MRPS15: variants seen among roughly 807,000 people sequenced by gnomAD.
MRPS15 encodes small ribosomal subunit protein uS15m.
In MRPS15, 25 loss-of-function variants were observed where a neutral mutation model predicts 30.7. The observed-to-expected ratio is 0.81, with a 90% CI of 0.59 to 1.14. The LOEUF is 1.14. MRPS15 is among the 50% of genes most tolerant of loss of function. MRPS15 has a pLI of 0.00. For missense variants in MRPS15, 313 were observed against 321.7 expected (o/e 0.97, Z 0.21); for synonymous variants, 124 against 120.1 (o/e 1.03, Z -0.21).
intron 6 of MRPS15, 54 bp downstream of exon 6, chr1:36,457,869 A>C: frequency 6.4e-7 from 1 of 1,560,078 alleles, no homozygotes; most frequent in Non-Finnish European, 8.8e-7. Context: ...TCCCCTCCGG[A>C]CCCCTTTCCC....
intron 6 of MRPS15, among the ~76,000 whole-genome samples, chr1:36,457,496 A>AG (rs1650014584): frequency 1.3e-5 from 2 of 152,262 alleles, no homozygotes; most frequent in Non-Finnish European, 2.9e-5. Context: ...TATATGCATC[A>AG]CATTGGCTGT....
intron 6 of MRPS15, 55 bp downstream of exon 6, chr1:36,457,868 G>T: frequency 6.4e-7 from 1 of 1,557,288 alleles, no homozygotes; most frequent in Non-Finnish European, 8.9e-7. Context: ...TTCCCCTCCG[G>T]ACCCCTTTCC....
In MRPS15 at chr1:36,460,636, A is replaced by G. The variant is rs887989547; in HGVS notation, c.385+56T>C. The G allele has an allele frequency of 7.7e-6, 10 of 1,294,898 alleles. No homozygotes were observed. In the Admixed American group the frequency reaches 1.7e-4, roughly 22 times the overall value. 80.2% of individuals were successfully genotyped at this position (1,294,898 alleles called of 1,614,324 possible). On this transcript the variant is annotated intron_variant, in intron 5 of 7. Coordinates refer to ENST00000373116, the MANE Select transcript of MRPS15 (RefSeq NM_031280.4). ...TGCTTGTAGACAAGAGCCCTAGATCAGGTCCCAGCTAGCAGGCTTCCCTAC... is the reference window on the plus strand; with the variant it reads ...TGCTTGTAGACAAGAGCCCTAGATCGGGTCCCAGCTAGCAGGCTTCCCTAC...
rs115195790 is a variant in MRPS15 at position 36,456,848 on chromosome 1, G to A, written c.445-470C>T. Among the ~76,000 whole-genome samples, 450 of 152,336 alleles carry A rather than the reference G, an allele frequency of 3.0e-3. 1 individual carries two copies. The highest frequency in any genetic ancestry group is 9.8e-3 in the African/African-American group (408 of 41,572). On this transcript the variant is annotated intron_variant, in intron 6 of 7. Transcript: ENST00000373116. ...CAAAACTGTGATCTTTAAGAAGCAG[G>A]CTCCAGGGAACACTGAGGTGCCAGG...
intron 2 of MRPS15, among the ~76,000 whole-genome samples, chr1:36,463,025 C>T (rs1443813984): frequency 6.6e-6 from 1 of 152,048 alleles, no homozygotes; most frequent in Non-Finnish European, 1.5e-5. Context: ...AGTGCAGTGG[C>T]ACGATCGGCT....
rs1179771770 is a variant in MRPS15, at chr1:36,455,870, G to C, written c.692C>G (p.Ala231Gly). 1.9e-6 allele frequency: 3 copies of C among 1,614,026 alleles called. No individual in the cohort carries two copies. The highest frequency in any genetic ancestry group is 2.5e-6 in the Non-Finnish European group (3 of 1,180,040). ...CCGCTTTGCTTGTTTTTGGGCTGCT[G>C]CTGCAGCCTTTAAGGCTCTTCTTCG... is the stretch of plus-strand genomic sequence containing the variant. ...KKRRRALKAA[A>G]AAQKQAKRRN... is the part of the protein sequence containing the mutation. Residue 231 changes from alanine to glycine, a missense_variant, in exon 8 of 8, where the codon GCA (alanine) becomes GGA (glycine). By Grantham distance (60) the Ala-to-Gly change is moderately conservative. Transcript: ENST00000373116.
chr1:36,463,816 G>A lies in MRPS15; in HGVS notation c.165C>T (p.Val55=), dbSNP rs373363017. 3.7e-6 allele frequency: 6 copies of A among 1,612,632 alleles called. No individual in the cohort carries two copies. In the African/African-American group the frequency reaches 8.0e-5, roughly 22 times the overall value. Residue 55 remains valine (V), a synonymous_variant, in exon 2 of 8, where the codon GTC becomes GTT. Coordinates refer to ENST00000373116, the MANE Select transcript of MRPS15 (RefSeq NM_031280.4). ...CTTAGGAACTCCTACCTGGTTTCCG[G>A]ACGACATATCCGCGCGCGGCCTGGA... ...LLLQAARGYV[V]RKPAQSRLDD... is the part of the protein sequence containing the mutation.
intron 5 of MRPS15, among the ~76,000 whole-genome samples, chr1:36,460,397 G>C (rs1336640638): frequency 6.6e-6 from 1 of 152,150 alleles, no homozygotes; most frequent in Non-Finnish European, 1.5e-5. Context: ...GCCATGAGGT[G>C]GGTAACATTA....
chr1:36,461,741 G>T (rs1402899880), intron 3 of MRPS15, among the ~76,000 whole-genome samples: 2 of 152,176 alleles, frequency 1.3e-5, no homozygotes, highest in East Asian at 1.9e-4. Flanking sequence ...AGAACTGTAT[G>T]ACACTGGACA....
At chr1:36,463,528 C>G (rs1161032969) in intron 2 of MRPS15, among the ~76,000 whole-genome samples, 1 of 152,220 alleles carries the variant, frequency 6.6e-6, no homozygotes, top group East Asian at 1.9e-4. Flanking sequence ...AAGTGCCATA[C>G]TCTAGGTAGG....
intron 6 of MRPS15, among the ~76,000 whole-genome samples, chr1:36,456,748 A>T (rs1650001605): frequency 6.6e-6 from 1 of 152,170 alleles, no homozygotes; most frequent in South Asian, 2.1e-4. Flanking sequence ...TCTTCCTGGA[A>T]ATGCCTACCC....
chr1:36,463,678 G>A, intron 2 of MRPS15, 128 bp downstream of exon 2: 1 of 1,056,428 alleles, frequency 9.5e-7, no homozygotes, highest in Non-Finnish European at 1.4e-6. Context: ...GTGGACGTGG[G>A]GTCTTTTGCT....
chr1:36,455,886 C>T lies in MRPS15; in HGVS notation c.676G>A (p.Ala226Thr), dbSNP rs1219530092. The part of the protein sequence containing the change: ...ETQKLKKRRR[A>T]LKAAAAAQKQ... ...TGGGCTGCTGCTGCAGCCTTTAAGG[C>T]TCTTCTTCGCTTCTTCAGCTTTTGA... Residue 226 changes from alanine (A) to threonine (T), a missense_variant, in exon 8 of 8, where the codon GCC becomes ACC. Ala to Thr is a moderately conservative substitution (Grantham distance 58). Transcript: ENST00000373116. 6.2e-7 allele frequency: 1 copy of T among 1,613,946 alleles called. No individual in the cohort carries two copies. Among genetic ancestry groups the T allele is most frequent in the Non-Finnish European group, 8.5e-7 (1 of 1,179,998 alleles).
chr1:36,462,250 CA>C, intron 2 of MRPS15, 87 bp from the exon 3 acceptor site: 1 of 961,460 alleles, frequency 1.0e-6, no homozygotes, highest in African/African-American at 1.6e-5. Flanking sequence ...ACCCACTCTC[CA>C]ACTCCAGAAG....
rs558697243 is a variant in MRPS15 at position 36,458,417 on chromosome 1, C to T, written c.386-436G>A. Reference sequence around the variant, plus strand: ...CTAATTTTTCTATTTTTAGTAGAGACGGGGTTTCACCATGTTGGCCAGGCT... The same window carrying T: ...CTAATTTTTCTATTTTTAGTAGAGATGGGGTTTCACCATGTTGGCCAGGCT... On this transcript the variant is annotated intron_variant, in intron 5 of 7. Transcript: ENST00000373116. The surrounding 1 kb of genome is among the most constrained non-coding windows in gnomAD (Gnocchi z 4.5). 5.2e-4 allele frequency: 82 copies of T among 158,360 alleles called. No individual in the cohort carries two copies. Among genetic ancestry groups the T allele is most frequent in the African/African-American group, 1.9e-3 (79 of 41,610 alleles). 9.8% of individuals were successfully genotyped at this position (158,360 alleles called of 1,614,324 possible).
Position 36,464,148 on chromosome 1 carries a change from CG to C in MRPS15, c.127del (p.Arg43GlufsTer47). The C allele has an allele frequency of 6.2e-7, 1 of 1,612,484 alleles. No homozygotes were observed. Among genetic ancestry groups the C allele is most frequent in the South Asian group, 1.1e-5 (1 of 90,884 alleles). On this transcript the variant is annotated frameshift_variant, in exon 1 of 8. Transcript: ENST00000373116. LOFTEE classifies it high-confidence loss of function. ...FPFNQWGLQPRSLLLQAARGY... is the reference protein window; with the variant it reads ...FPFNQWGLQPXSLLLQAARGY... ...CGTCCCATTTCTCAGCTCCTCACTT[CG>C]AGGCTGCAGGCCCCACTGGTTGAAA...
chr1:36,461,394 C>G (rs1650095971), intron 3 of MRPS15, 82 bp from the exon 4 acceptor site: 2 of 1,331,622 alleles, frequency 1.5e-6, no homozygotes, highest in African/African-American at 1.4e-5. Context: ...GTTTGAAAAG[C>G]AAAGATGATT....
At chr1:36,461,956 C>G in intron 3 of MRPS15, 132 bp downstream of exon 3, 1 of 729,294 alleles carries the variant, frequency 1.4e-6, no homozygotes, top group Non-Finnish European at 2.3e-6. Context: ...CACCTGGACA[C>G]CTGGGCCCCT....
chr1:36,463,642 G>A (rs898754908), intron 2 of MRPS15, among the ~76,000 whole-genome samples, 164 bp downstream of exon 2: 1 of 152,150 alleles, frequency 6.6e-6, no homozygotes, highest in African/African-American at 2.4e-5. Flanking sequence ...CCCCATACAG[G>A]CTGCAGGCCT....
Sources: allele counts gnomAD v4.1 joint callset (sites outside exome capture counted in the v4.1 genomes callset), GRCh38; gene constraint gnomAD v4.1.1; non-coding constraint Gnocchi (gnomAD v3.1); transcripts MANE v1.5; gene names NCBI Gene and HGNC (gene_info 2026-07-23, HGNC 2026-07-21).